The following STPG2 variants were observed in gnomAD, a reference collection of about 807,000 sequenced individuals.
STPG2 encodes sperm tail PG-rich repeat containing 2.
Under a neutral mutation model 54.2 loss-of-function variants are expected in STPG2, and 56 were observed. The ratio of observed to expected loss-of-function variants is 1.03; its 90% CI spans 0.83 to 1.29. STPG2 has a LOEUF of 1.29. STPG2 is among the 50% of genes most tolerant of loss of function. STPG2 has a pLI of 0.00. For synonymous variants in STPG2, 200 were observed against 181.8 expected (o/e 1.10, Z -0.81); for missense variants, 596 against 544.9 (o/e 1.09, Z -0.93).
At chr4:97,708,020 A>G (rs937348424) in intron 10 of STPG2, among the ~76,000 whole-genome samples, 1 of 152,150 alleles carries the variant, frequency 6.6e-6, no homozygotes, top group Non-Finnish European at 1.5e-5. Flanking sequence ...TTGAAATTCA[A>G]ATACAAGTAC....
At chr4:97,907,568 T>A (rs1273196493) in intron 8 of STPG2, among the ~76,000 whole-genome samples, 1 of 152,050 alleles carries the variant, frequency 6.6e-6, no homozygotes, top group Non-Finnish European at 1.5e-5. Flanking sequence ...AAGTCAATCC[T>A]AAGCCAAAAG....
intron 5 of STPG2, 109 bp downstream of exon 5, chr4:98,105,842 GAC>G: frequency 1.1e-6 from 1 of 900,152 alleles, no homozygotes; most frequent in Non-Finnish European, 1.6e-6. Flanking sequence ...TTCATTGAAT[GAC>G]GATTAGCTAT....
chr4:97,960,379 C>T (rs768832643), intron 7 of STPG2, among the ~76,000 whole-genome samples: 59 of 152,024 alleles, frequency 3.9e-4, no homozygotes, highest in Non-Finnish European at 8.8e-5. Flanking sequence ...AAATAAAGGG[C>T]ATGCAAATTG....
chr4:97,762,779 T>C (rs1725925829), intron 9 of STPG2, among the ~76,000 whole-genome samples: 1 of 152,206 alleles, frequency 6.6e-6, no homozygotes, highest in African/African-American at 2.4e-5. Flanking sequence ...TTTCATTTCC[T>C]GAGATATTAC....
At chr4:97,634,755 A>T (rs1345753147) in intron 10 of STPG2, among the ~76,000 whole-genome samples, 11 of 152,106 alleles carry the variant, frequency 7.2e-5, no homozygotes, top group Non-Finnish European at 1.5e-4. Flanking sequence ...GGAAGATGAA[A>T]TGAATGAAAT....
intron 5 of STPG2, among the ~76,000 whole-genome samples, chr4:98,089,320 T>C (rs1025971966): frequency 1.3e-5 from 2 of 152,162 alleles, no homozygotes; most frequent in African/African-American, 4.8e-5. Flanking sequence ...TTTCCATTCC[T>C]GTGTTACTTC....
At position 97,840,817 on chromosome 4, in the gene STPG2, A is replaced by G. The variant is rs927415941; in HGVS notation, c.1160T>C (p.Leu387Pro). The change falls in exon 9 of 11, where the codon CTT (leucine) becomes CCT (proline). Residue 387 changes from leucine to proline, a missense_variant. Leu to Pro is a moderately conservative substitution (Grantham distance 98). Transcript: ENST00000295268. ...LVAKRKHASFLSATPRCLEKV... is the reference protein window; with the variant it reads ...LVAKRKHASFPSATPRCLEKV... Reference sequence around the variant, plus strand: ...TTCTAGGCACCGAGGAGTTGCACTAAGAAAAGAGGCATGTTTTCTTTTAGC... The same window carrying G: ...TTCTAGGCACCGAGGAGTTGCACTAGGAAAAGAGGCATGTTTTCTTTTAGC... The G allele has an allele frequency of 1.2e-6, 2 of 1,612,160 alleles. No individual in the cohort carries two copies. Among genetic ancestry groups the G allele is most frequent in the Non-Finnish European group, 1.7e-6 (2 of 1,178,598 alleles).
chr4:97,839,607 G>T (rs559517643), intron 9 of STPG2, among the ~76,000 whole-genome samples: 4 of 151,636 alleles, frequency 2.6e-5, no homozygotes, highest in South Asian at 4.2e-4. Context: ...CACACTACAG[G>T]AGTTTGAATC....
intron 10 of STPG2, among the ~76,000 whole-genome samples, chr4:97,585,219 A>C (rs1314919742): frequency 6.6e-6 from 1 of 151,956 alleles, no homozygotes; most frequent in Non-Finnish European, 1.5e-5. Context: ...GGTTTAACAT[A>C]TGCAAGTCAA....
intron 9 of STPG2, among the ~76,000 whole-genome samples, chr4:97,799,316 G>A (rs1282292153): frequency 6.6e-6 from 1 of 152,212 alleles, no homozygotes; most frequent in Admixed American, 6.5e-5. Context: ...TGCAGTGGCT[G>A]GTACAAGTTG....
chr4:97,756,616 G>A (rs865779966), intron 9 of STPG2, among the ~76,000 whole-genome samples: 9 of 151,996 alleles, frequency 5.9e-5, no homozygotes, highest in African/African-American at 1.7e-4. Context: ...GTGAGCCACC[G>A]TGCCCGGCCT....
At chr4:97,777,397 A>G (rs545534114) in intron 9 of STPG2, among the ~76,000 whole-genome samples, 1 of 152,322 alleles carries the variant, frequency 6.6e-6, no homozygotes, top group South Asian at 2.1e-4. Flanking sequence ...CCAAGGGGAA[A>G]TTTAAGCATG....
intron 5 of STPG2, among the ~76,000 whole-genome samples, chr4:98,022,292 G>T (rs1364821249): frequency 6.6e-6 from 1 of 151,040 alleles, no homozygotes; most frequent in Non-Finnish European, 1.5e-5. Context: ...AGTTTGGCTG[G>T]ATATGAAATT....
intron 4 of STPG2, among the ~76,000 whole-genome samples, chr4:97,477,626 G>A (rs1040609300): frequency 6.6e-6 from 1 of 150,716 alleles, no homozygotes; most frequent in Non-Finnish European, 1.5e-5. Context: ...ACAGGCGCCT[G>A]CCACCATGCC....
At chr4:97,464,850 A>G in intron 4 of STPG2, among the ~76,000 whole-genome samples, 1 of 152,174 alleles carries the variant, frequency 6.6e-6, no homozygotes, top group East Asian at 1.9e-4. Flanking sequence ...GATCATATTT[A>G]TGTCCACTCA....
intron 10 of STPG2, among the ~76,000 whole-genome samples, chr4:97,578,627 C>T (rs893792681): frequency 2.7e-5 from 4 of 150,580 alleles, no homozygotes; most frequent in African/African-American, 9.8e-5. Context: ...GAATTATTGG[C>T]ATGAACATAG....
intron 4 of STPG2, among the ~76,000 whole-genome samples, chr4:97,491,911 G>A (rs1730511084): frequency 6.6e-6 from 1 of 151,466 alleles, no homozygotes; most frequent in Admixed American, 6.6e-5. Context: ...GATAATGAAA[G>A]CAAGCAATTA....
intron 5 of STPG2, among the ~76,000 whole-genome samples, chr4:98,089,966 T>C (rs181708150): frequency 2.1e-3 from 320 of 152,292 alleles, no homozygotes; most frequent in African/African-American, 7.6e-3. Context: ...GTCAGATGCA[T>C]GGTTTGTGAA....
chr4:97,638,731 A>G (rs1392889093), intron 10 of STPG2, among the ~76,000 whole-genome samples: 3 of 148,158 alleles, frequency 2.0e-5, no homozygotes, highest in African/African-American at 7.8e-5. Flanking sequence ...GCAGCCAAAA[A>G]ACACATGAAA....
Sources: allele counts gnomAD v4.1 joint callset (sites outside exome capture counted in the v4.1 genomes callset), GRCh38; gene constraint gnomAD v4.1.1; transcripts MANE v1.5; gene names NCBI Gene and HGNC (gene_info 2026-07-23, HGNC 2026-07-21).